OR4K2: variants seen among roughly 807,000 people sequenced by gnomAD.
OR4K2 encodes olfactory receptor family 4 subfamily K member 2, also known as olfactory receptor 4K2.
OR4K2 carries 8 observed loss-of-function variants against 10.5 expected under a neutral mutation model. The observed-to-expected ratio is 0.76, with a 90% CI of 0.45 to 1.37. The LOEUF is 1.37. Ranked by LOEUF, OR4K2 falls within the 40% of genes most tolerant of loss-of-function variation. The pLI is 0.00. For missense variants in OR4K2, 547 were observed against 379.5 expected, an observed-to-expected ratio of 1.44 and a Z score of -3.67; for synonymous variants, 178 against 133.6, an observed-to-expected ratio of 1.33 and a Z score of -2.29.
rs1328182829 is a variant in OR4K2 at position 19,881,616 on chromosome 14, TA to T, written c.*4407del. On this transcript the variant is annotated 3_prime_UTR_variant, in exon 2 of 2. Transcript: ENST00000641885. ...TATAAGGAGATGAATACCTATTTTT[TA>T]AATTAAAAAATGTTCTCGGGCTGGA... 2.0e-5 allele frequency: 3 copies of T among 152,130 alleles called. No individual in the cohort carries two copies. Among genetic ancestry groups the T allele is most frequent in the Non-Finnish European group, 4.4e-5 (3 of 68,026 alleles). 9.4% of individuals were successfully genotyped at this position (152,130 alleles called of 1,614,324 possible).
rs1881087421 is a variant in OR4K2, at chr14:19,883,441, T to C, written c.*6229T>C. On this transcript the variant is annotated 3_prime_UTR_variant, in exon 2 of 2. Transcript: ENST00000641885. ...TGTAATTTCATTGGCTATTCCTTTA[T>C]TTTCTTGATTATCTTAAATTGAAAT... 1 of 152,302 alleles carries C rather than the reference T, an allele frequency of 6.6e-6. No individual in the cohort carries two copies. The highest frequency in any genetic ancestry group is 1.5e-5 in the Non-Finnish European group (1 of 68,070). 9.4% of individuals were successfully genotyped at this position (152,302 alleles called of 1,614,324 possible).
rs978566284 is a variant in OR4K2 at position 19,875,834 on chromosome 14, A to G, written c.-324A>G. 1 of 164,694 alleles carries G rather than the reference A, an allele frequency of 6.1e-6. No individual in the cohort carries two copies. Among genetic ancestry groups the G allele is most frequent in the Non-Finnish European group, 1.3e-5 (1 of 76,614 alleles). 10.2% of individuals were successfully genotyped at this position (164,694 alleles called of 1,614,324 possible). On this transcript the variant is annotated 5_prime_UTR_variant, in exon 1 of 2. Coordinates refer to ENST00000641885, the MANE Select transcript of OR4K2 (RefSeq NM_001005501.2). ...TTTTTATATGTTTTCATCAGTAAGGATATCTTTATGGACAAATTCCAAATG... is the reference window on the plus strand; with the variant it reads ...TTTTTATATGTTTTCATCAGTAAGGGTATCTTTATGGACAAATTCCAAATG...
In OR4K2 at chr14:19,880,910, T is replaced by C. The variant is rs1881020624; in HGVS notation, c.*3698T>C. 1 of 152,272 alleles carries C rather than the reference T, an allele frequency of 6.6e-6. No individual in the cohort carries two copies. The highest frequency in any genetic ancestry group is 1.5e-5 in the Non-Finnish European group (1 of 68,052). 9.4% of individuals were successfully genotyped at this position (152,272 alleles called of 1,614,324 possible). On this transcript the variant is annotated 3_prime_UTR_variant, in exon 2 of 2. Transcript: ENST00000641885. ...TATGAGCTGTCTTATGTGAAGTATT[T>C]TTCTGCATTGATAAGGGTTTAGGAT...
chr14:19,881,487 CTCTT>C lies in OR4K2; in HGVS notation c.*4277_*4280del, dbSNP rs1255503182. 1.3e-5 allele frequency: 2 copies of C among 151,732 alleles called. No homozygotes were observed. The highest frequency in any genetic ancestry group is 2.4e-5 in the African/African-American group (1 of 41,238). The allele number at this position is 151,732 out of a possible 1,614,324, so 9.4% of individuals were successfully genotyped here. A position where few individuals can be genotyped will look rare whatever the true frequency, so the allele number is the denominator to read the frequency against. On this transcript the variant is annotated 3_prime_UTR_variant, in exon 2 of 2. Transcript: ENST00000641885. ...TAACTCAATTGACATGTTATTTTTTCTCTTTGATTTTTGTAAAACAAACAAATAA... is the reference window on the plus strand; with the variant it reads ...TAACTCAATTGACATGTTATTTTTTCTGATTTTTGTAAAACAAACAAATAA...
Position 19,876,858 on chromosome 14 carries a change from C to T in OR4K2, c.591C>T (p.Leu197=). The change falls in exon 2 of 2, where the codon CTC becomes CTT. Residue 197 remains leucine, a synonymous_variant. Transcript: ENST00000641885. ...LACVDTYVLG[L]FMISTSGIIA... ...GTGTGGATACTTATGTTCTGGGCCT[C>T]TTTATGATCTCAACAAGTGGCATAA... The T allele has an allele frequency of 6.2e-7, 1 of 1,614,174 alleles. No homozygotes were observed. The highest frequency in any genetic ancestry group is 8.5e-7 in the Non-Finnish European group (1 of 1,179,996).
Position 19,883,728 on chromosome 14 carries a change from A to C in OR4K2, c.*6516A>C, listed in dbSNP as rs894042923. 38 of 152,258 alleles carry C rather than the reference A, an allele frequency of 2.5e-4. No individual in the cohort carries two copies. The highest frequency in any genetic ancestry group is 3.1e-4 in the Non-Finnish European group (21 of 68,044). The allele number at this position is 152,258 out of a possible 1,614,324, so 9.4% of individuals were successfully genotyped here. ...CCTTTAAGTATATTAAAATGTACCT[A>C]AATAAAATTGTTCTTCAAGAGTAAC... On this transcript the variant is annotated 3_prime_UTR_variant, in exon 2 of 2. Coordinates refer to ENST00000641885, the MANE Select transcript of OR4K2 (RefSeq NM_001005501.2).
Position 19,881,314 on chromosome 14 carries a change from T to C in OR4K2, c.*4102T>C, listed in dbSNP as rs113670578. ...TTTATAAGTTTCTGTTGTGCTTTGT[T>C]GTTTGGAATTATTTTTAATGCTCTT... On this transcript the variant is annotated 3_prime_UTR_variant, in exon 2 of 2. Transcript: ENST00000641885. 5 of 152,374 alleles carry C rather than the reference T, an allele frequency of 3.3e-5. No individual in the cohort carries two copies. Among genetic ancestry groups the C allele is most frequent in the African/African-American group, 9.6e-5 (4 of 41,580 alleles). The allele number at this position is 152,374 out of a possible 1,614,324, so 9.4% of individuals were successfully genotyped here.
At position 19,877,304 on chromosome 14, in the gene OR4K2, G is replaced by A. The variant is rs1594427608; in HGVS notation, c.*92G>A. The A allele has an allele frequency of 3.4e-6, 3 of 878,074 alleles. No individual in the cohort carries two copies. Among genetic ancestry groups the A allele is most frequent in the East Asian group, 5.1e-5 (2 of 39,066 alleles). 54.4% of individuals were successfully genotyped at this position (878,074 alleles called of 1,614,324 possible). On this transcript the variant is annotated 3_prime_UTR_variant, in exon 2 of 2. Coordinates refer to ENST00000641885, the MANE Select transcript of OR4K2 (RefSeq NM_001005501.2). The stretch of plus-strand genomic sequence containing the variant: ...AATTGTAATTGCCAAGAATTTGTGA[G>A]GGCTCAAGTTCAGTGCATTTTGAAA...
Position 19,875,668 on chromosome 14 carries a change from T to C in OR4K2, c.-490T>C, listed in dbSNP as rs1880875321. The C allele has an allele frequency of 6.6e-6, 1 of 152,430 alleles. No homozygotes were observed. The highest frequency in any genetic ancestry group is 1.5e-5 in the Non-Finnish European group (1 of 68,182). The allele number at this position is 152,430 out of a possible 1,614,324, so 9.4% of individuals were successfully genotyped here. On this transcript the variant is annotated 5_prime_UTR_variant, in exon 1 of 2. Transcript: ENST00000641885. ...ATGAATATCAGCAAAACTAACTTTC[T>C]ATGTATTTCTTTTGAGTTTCAAACA... is the stretch of plus-strand genomic sequence containing the variant.
At position 19,882,872 on chromosome 14, in the gene OR4K2, G is replaced by A. The variant is rs1159111239; in HGVS notation, c.*5660G>A. ...AGACGGAGTCTTGCTCTGTCGCCCA[G>A]GCTGGAGTGCAGTAGCGTGATCTCC... On this transcript the variant is annotated 3_prime_UTR_variant, in exon 2 of 2. Coordinates refer to ENST00000641885, the MANE Select transcript of OR4K2 (RefSeq NM_001005501.2). The A allele has an allele frequency of 1.5e-5, 2 of 132,674 alleles. No individual in the cohort carries two copies. The highest frequency in any genetic ancestry group is 3.0e-5 in the Non-Finnish European group (2 of 66,216). 8.2% of individuals were successfully genotyped at this position (132,674 alleles called of 1,614,324 possible).
At position 19,881,787 on chromosome 14, in the gene OR4K2, T is replaced by C. The variant is rs1424089729; in HGVS notation, c.*4575T>C. ...CCAGATTTTTCTCCCTTTGCTCACTTGCCACCTGTTAAAGAAAATTTAAAG... is the reference window on the plus strand; with the variant it reads ...CCAGATTTTTCTCCCTTTGCTCACTCGCCACCTGTTAAAGAAAATTTAAAG... On this transcript the variant is annotated 3_prime_UTR_variant, in exon 2 of 2. Coordinates refer to ENST00000641885, the MANE Select transcript of OR4K2 (RefSeq NM_001005501.2). 3 of 152,020 alleles carry C rather than the reference T, an allele frequency of 2.0e-5. No homozygotes were observed. The highest frequency in any genetic ancestry group is 7.2e-5 in the African/African-American group (3 of 41,428). The allele number at this position is 152,020 out of a possible 1,614,324, so 9.4% of individuals were successfully genotyped here.
At position 19,876,143 on chromosome 14, in the gene OR4K2, T is replaced by G; in HGVS notation, c.-24+9T>G. 2.5e-6 allele frequency: 2 copies of G among 810,042 alleles called. No homozygotes were observed. Among genetic ancestry groups the G allele is most frequent in the Non-Finnish European group, 3.9e-6 (2 of 517,168 alleles). The allele number at this position is 810,042 out of a possible 1,614,324, so 50.2% of individuals were successfully genotyped here. ...TGGAAAGAATAGTCAAGGTAAGTTT[T>G]ATGAGAAGATAAAATTTCTGAAAGT... On this transcript the variant is annotated intron_variant, in intron 1 of 1. Coordinates refer to ENST00000641885, the MANE Select transcript of OR4K2 (RefSeq NM_001005501.2).
Position 19,878,507 on chromosome 14 carries a change from AT to A in OR4K2, c.*1298del, listed in dbSNP as rs1401538675. 3 of 152,240 alleles carry A rather than the reference AT, an allele frequency of 2.0e-5. No individual in the cohort carries two copies. The highest frequency in any genetic ancestry group is 7.2e-5 in the African/African-American group (3 of 41,480). 9.4% of individuals were successfully genotyped at this position (152,240 alleles called of 1,614,324 possible). The stretch of plus-strand genomic sequence containing the variant: ...AAACAAATGAAATGCATTAATTATC[AT>A]TTATGAAAGATAATTAAAACAGAAA... On this transcript the variant is annotated 3_prime_UTR_variant, in exon 2 of 2. Coordinates refer to ENST00000641885, the MANE Select transcript of OR4K2 (RefSeq NM_001005501.2).
In OR4K2 at chr14:19,877,292, A is replaced by G. The variant is rs1424503197; in HGVS notation, c.*80A>G. On this transcript the variant is annotated 3_prime_UTR_variant, in exon 2 of 2. Transcript: ENST00000641885. ...GGGTTCTTACCAAATTGTAATTGCC[A>G]AGAATTTGTGAGGGCTCAAGTTCAG... The G allele has an allele frequency of 2.9e-6, 3 of 1,024,308 alleles. No individual in the cohort carries two copies. Among genetic ancestry groups the G allele is most frequent in the Non-Finnish European group, 4.2e-6 (3 of 710,638 alleles). 63.5% of individuals were successfully genotyped at this position (1,024,308 alleles called of 1,614,324 possible). A position where few individuals can be genotyped will look rare whatever the true frequency, so the allele number is the denominator to read the frequency against.
chr14:19,876,411 A>G lies in OR4K2; in HGVS notation c.144A>G (p.Thr48=), dbSNP rs747669411. 12 of 1,614,004 alleles carry G rather than the reference A, an allele frequency of 7.4e-6. No homozygotes were observed. Among genetic ancestry groups the G allele is most frequent in the South Asian group, 1.1e-5 (1 of 91,090 alleles). The part of the protein sequence containing the change: ...TMVGNSLIVI[T]VIVDPHLHSP... ...TGGGTAACAGCCTCATAGTCATCAC[A>G]GTTATAGTGGACCCTCACCTACACT... is the stretch of plus-strand genomic sequence containing the variant. The change falls in exon 2 of 2, where the codon ACA becomes ACG. Residue 48 remains threonine (T), a synonymous_variant. Coordinates refer to ENST00000641885, the MANE Select transcript of OR4K2 (RefSeq NM_001005501.2).
rs1191559474 is a variant in OR4K2, at chr14:19,876,341, T to C, written c.74T>C (p.Met25Thr). The change falls in exon 2 of 2, where the codon ATG becomes ACG. Residue 25 changes from methionine (M) to threonine (T), a missense_variant. Met to Thr is a moderately conservative substitution (Grantham distance 81). Transcript: ENST00000641885. ...LGLSNSWELQ[M>T]FFFMVFSLLY... ...CTCTCTAATTCCTGGGAACTACAGA[T>C]GTTTTTCTTTATGGTGTTTTCATTG... is the stretch of plus-strand genomic sequence containing the variant. The C allele has an allele frequency of 1.9e-6, 3 of 1,614,030 alleles. No individual in the cohort carries two copies. The highest frequency in any genetic ancestry group is 2.5e-6 in the Non-Finnish European group (3 of 1,179,946).
rs759494577 is a variant in OR4K2, at chr14:19,876,654, C to T, written c.387C>T (p.Pro129=). 174 of 1,614,020 alleles carry T rather than the reference C, an allele frequency of 1.1e-4. No homozygotes were observed. Among genetic ancestry groups the T allele is most frequent in the Non-Finnish European group, 1.4e-4 (166 of 1,179,990 alleles). ...SFDRYIAICK[P]LHYASVISPQ... ...ATAGGTATATTGCAATATGCAAGCC[C>T]CTGCACTATGCTTCTGTCATTAGTC... Residue 129 remains proline, a synonymous_variant, in exon 2 of 2, where the codon CCC becomes CCT. Coordinates refer to ENST00000641885, the MANE Select transcript of OR4K2 (RefSeq NM_001005501.2).
rs748059522 is a variant in OR4K2 at position 19,876,316 on chromosome 14, C to A, written c.49C>A (p.Leu17Ile). 4.4e-6 allele frequency: 7 copies of A among 1,609,076 alleles called. No homozygotes were observed. Among genetic ancestry groups the A allele is most frequent in the Admixed American group, 1.7e-5 (1 of 59,602 alleles). The part of the protein sequence containing the change: ...STMSEFVLLG[L>I]SNSWELQMFF... ...CATGTCTGAATTTGTTTTGCTGGGG[C>A]TCTCTAATTCCTGGGAACTACAGAT... The change falls in exon 2 of 2, where the codon CTC becomes ATC. Residue 17 changes from leucine to isoleucine, a missense_variant. Transcript: ENST00000641885.
Position 19,876,531 on chromosome 14 carries a change from T to C in OR4K2, c.264T>C (p.Gly88=). Reference sequence around the variant, plus strand: ...AGATGATTACAGATTACCTAACAGGTCACAAAACCATCTCTTTTGATGGCT... The same window carrying C: ...AGATGATTACAGATTACCTAACAGGCCACAAAACCATCTCTTTTGATGGCT... ...TPKMITDYLT[G]HKTISFDGCL... is the part of the protein sequence containing the mutation. Residue 88 remains glycine, a synonymous_variant, in exon 2 of 2, where the codon GGT becomes GGC. Transcript: ENST00000641885. The C allele has an allele frequency of 1.2e-6, 2 of 1,614,190 alleles. No homozygotes were observed. Among genetic ancestry groups the C allele is most frequent in the Non-Finnish European group, 1.7e-6 (2 of 1,180,002 alleles).
Sources: allele counts gnomAD v4.1 joint callset, GRCh38; gene constraint gnomAD v4.1.1; transcripts MANE v1.5; gene names NCBI Gene and HGNC (gene_info 2026-07-23, HGNC 2026-07-21).